WBP4: variants seen among roughly 807,000 people sequenced by gnomAD.
The protein encoded by WBP4 is WW domain-binding protein 4.
In WBP4, 37 loss-of-function variants were observed where a neutral mutation model predicts 55.4. The observed-to-expected ratio is 0.67, with a 90% CI of 0.51 to 0.88. The LOEUF (loss-of-function observed/expected upper bound fraction) is 0.88. Ranked by LOEUF, WBP4 falls within the 40% of genes least tolerant of loss-of-function variation. The pLI, the probability that WBP4 is intolerant of heterozygous loss-of-function variation, is 0.00. For missense variants in WBP4, 398 were observed against 420.8 expected (o/e 0.95, Z 0.47); for synonymous variants, 142 against 140.2 (o/e 1.01, Z -0.09).
At chr13:41,078,239 CT>C (rs1878588743) in intron 8 of WBP4, among the ~76,000 whole-genome samples, 2 of 152,184 alleles carry the variant, frequency 1.3e-5, no homozygotes, top group Non-Finnish European at 2.9e-5. Flanking sequence ...TGGCCTCAGA[CT>C]ATATTCCAAG....
chr13:41,076,269 ATTTTTTT>A (rs35695477), intron 8 of WBP4, 32 bp downstream of exon 8: 388 of 678,216 alleles, frequency 5.7e-4, no homozygotes, highest in East Asian at 7.2e-4. Flanking sequence ...TTCACATCAA[ATTTTTTT>A]TTTTTTTTTT....
chr13:41,065,392 G>A, intron 4 of WBP4, 105 bp downstream of exon 4: 3 of 1,407,472 alleles, frequency 2.1e-6, no homozygotes, highest in Non-Finnish European at 1.9e-6. Context: ...TATAAACTCA[G>A]TGTACTCTCA....
rs762819467 is a variant in WBP4, at chr13:41,061,542, AC to A, written c.-131del. 62 of 1,409,044 alleles carry A rather than the reference AC, an allele frequency of 4.4e-5. No individual in the cohort carries two copies. The highest frequency in any genetic ancestry group is 6.0e-5 in the Non-Finnish European group (61 of 1,011,098). 87.3% of individuals were successfully genotyped at this position (1,409,044 alleles called of 1,614,324 possible). A position where few individuals can be genotyped will look rare whatever the true frequency, so the allele number is the denominator to read the frequency against. On this transcript the variant is annotated 5_prime_UTR_variant, in exon 1 of 10. In the 5' UTR this introduces an upstream ATG that the reference lacks. Coordinates refer to ENST00000379487, the MANE Select transcript of WBP4 (RefSeq NM_007187.5). ...GAACAGCGGAACGCTGGTCCCGGGGACTGAGTAAGGTGTCTGGATCGGAGGG... is the reference window on the plus strand; with the variant it reads ...GAACAGCGGAACGCTGGTCCCGGGGATGAGTAAGGTGTCTGGATCGGAGGG...
chr13:41,083,962 G>A lies in WBP4; in HGVS notation c.*1048G>A, dbSNP rs894017005. The A allele has an allele frequency of 3.3e-5, 5 of 152,120 alleles. No homozygotes were observed. The highest frequency in any genetic ancestry group is 1.2e-4 in the African/African-American group (5 of 41,418). The allele number at this position is 152,120 out of a possible 1,614,324, so 9.4% of individuals were successfully genotyped here. A position where few individuals can be genotyped will look rare whatever the true frequency, so the allele number is the denominator to read the frequency against. ...TAATATTTGTCTTTTTAAGATGACT[G>A]TACATGTAAGAAAAAAGCTTATTAA... On this transcript the variant is annotated 3_prime_UTR_variant, in exon 10 of 10. Coordinates refer to ENST00000379487, the MANE Select transcript of WBP4 (RefSeq NM_007187.5).
At position 41,075,903 on chromosome 13, in the gene WBP4, CTG is replaced by C. The variant is rs544819391; in HGVS notation, c.563-139_563-138del. ...TACAAGAGCAAGAGGTTTGAGAACT[CTG>C]TTATCTTCTTGATCAAGAGATAGTA... On this transcript the variant is annotated intron_variant, in intron 7 of 9. Coordinates refer to ENST00000379487, the MANE Select transcript of WBP4 (RefSeq NM_007187.5). The C allele has an allele frequency of 7.6e-5, 71 of 931,106 alleles. No homozygotes were observed. In the East Asian group the frequency reaches 1.9e-3, roughly 26 times the overall value. The allele number at this position is 931,106 out of a possible 1,614,324, so 57.7% of individuals were successfully genotyped here. A position where few individuals can be genotyped will look rare whatever the true frequency, so the allele number is the denominator to read the frequency against.
chr13:41,074,752 TG>T (rs1878401126), intron 7 of WBP4, among the ~76,000 whole-genome samples: 1 of 152,138 alleles, frequency 6.6e-6, no homozygotes, highest in African/African-American at 2.4e-5. Context: ...CCTAGAACTT[TG>T]GGAAGTTGAG....
rs1878842208 is a variant in WBP4, at chr13:41,082,804, A to G, written c.1021A>G (p.Thr341Ala). 10 of 1,614,106 alleles carry G rather than the reference A, an allele frequency of 6.2e-6. No homozygotes were observed. In the East Asian group the frequency reaches 1.8e-4, roughly 29 times the overall value. The change falls in exon 10 of 10, where the codon ACA (threonine) becomes GCA (alanine). Residue 341 changes from threonine (T) to alanine (A), a missense_variant. Coordinates refer to ENST00000379487, the MANE Select transcript of WBP4 (RefSeq NM_007187.5). ...GEPKVVFKEK[T>A]VTSLGVMADG... is the part of the protein sequence containing the mutation. ...ACCCAAAGTGGTATTTAAAGAAAAA[A>G]CAGTCACTTCTCTTGGAGTTATGGC...
Position 41,080,184 on chromosome 13 carries a change from C to T in WBP4, c.757-462C>T, listed in dbSNP as rs182034972. On this transcript the variant is annotated intron_variant, in intron 8 of 9. Coordinates refer to ENST00000379487, the MANE Select transcript of WBP4 (RefSeq NM_007187.5). ...ACATAATATATACATGTAAGAAATA[C>T]GCATTTGTGCCCCCTAAGTTATTTT... Among the ~76,000 whole-genome samples the T allele has an allele frequency of 1.5e-4, 23 of 152,134 alleles. No individual in the cohort carries two copies. The East Asian group carries it at 2.9e-3, about 19-fold the overall frequency.
chr13:41,082,885 A>C lies in WBP4; in HGVS notation c.1102A>C (p.Asn368His). The change falls in exon 10 of 10, where the codon AAT becomes CAT. Residue 368 changes from asparagine to histidine, a missense_variant. By Grantham distance (68) the Asn-to-His change is moderately conservative (BLOSUM62 1). Transcript: ENST00000379487. ...AAGAACTGAAAATGGAAAATCTAGA[A>C]ATTTAAGGCAACGAGGTGATGATCA... Reference protein sequence around the residue: ...KRRTENGKSRNLRQRGDDQ With the variant: ...KRRTENGKSRHLRQRGDDQ 1 of 1,614,008 alleles carries C rather than the reference A, an allele frequency of 6.2e-7. No individual in the cohort carries two copies. Among genetic ancestry groups the C allele is most frequent in the Non-Finnish European group, 8.5e-7 (1 of 1,179,974 alleles).
At chr13:41,064,675 T>C (rs1877865585) in intron 2 of WBP4, among the ~76,000 whole-genome samples, 1 of 152,162 alleles carries the variant, frequency 6.6e-6, no homozygotes, top group African/African-American at 2.4e-5. Context: ...TTAAGATTTT[T>C]TTCCCCAGTC....
At chr13:41,064,702 C>T (rs185489396) in intron 2 of WBP4, among the ~76,000 whole-genome samples, 3 of 152,110 alleles carry the variant, frequency 2.0e-5, no homozygotes, top group East Asian at 1.9e-4. Context: ...CTTCATGTCA[C>T]GTTTGAGTCC....
intron 1 of WBP4, 22 bp from the exon 2 acceptor site, chr13:41,062,622 C>A: frequency 6.2e-7 from 1 of 1,609,812 alleles, no homozygotes; most frequent in Non-Finnish European, 8.5e-7. Flanking sequence ...ATGAGCTTAG[C>A]CTTGTTGTCT....
At chr13:41,071,844 C>T (rs757001658) in intron 6 of WBP4, among the ~76,000 whole-genome samples, 23 of 151,890 alleles carry the variant, frequency 1.5e-4, no homozygotes, top group Non-Finnish European at 2.1e-4. Flanking sequence ...AGTTAAAGAC[C>T]AGCCTGGCCA....
rs747831973 is a variant in WBP4, at chr13:41,068,637, GAAAGAAAA to G, written c.340_347del (p.Lys114GlufsTer19). 28 of 1,613,026 alleles carry G rather than the reference GAAAGAAAA, an allele frequency of 1.7e-5. No homozygotes were observed. In the African/African-American group the frequency reaches 3.1e-4, roughly 18 times the overall value. ...CGACATCAAATCAACAGAAAGAAAA[GAAAGAAAA>G]GAAGAAAAGAAAAAAAGATCCTTCA... On this transcript the variant is annotated frameshift_variant, in exon 5 of 10. Transcript: ENST00000379487. LOFTEE classifies it high-confidence loss of function.
intron 2 of WBP4, among the ~76,000 whole-genome samples, chr13:41,064,508 T>G (rs762885417): frequency 1.3e-5 from 2 of 152,196 alleles, no homozygotes; most frequent in Non-Finnish European, 2.9e-5. Context: ...ATTACCACAT[T>G]GTATAAAAGT....
intron 5 of WBP4, among the ~76,000 whole-genome samples, chr13:41,070,563 A>C (rs1229028483): frequency 2.0e-5 from 3 of 151,920 alleles, no homozygotes; most frequent in Non-Finnish European, 4.4e-5. Context: ...GGGGACAATA[A>C]TGAATTAGAT....
Position 41,082,719 on chromosome 13 carries a change from G to A in WBP4, c.936G>A (p.Leu312=). ...CTATTTCCAGTGAGGAGGTAGATTT[G>A]GAACTTCCAAGCACTGAAAATGAGT... ...QEVESHEEVD[L]ELPSTENEYV... is the part of the protein sequence containing the mutation. The change falls in exon 10 of 10, where the codon TTG becomes TTA. Residue 312 remains leucine (L), a synonymous_variant. Transcript: ENST00000379487. 6.2e-7 allele frequency: 1 copy of A among 1,613,908 alleles called. No individual in the cohort carries two copies. The highest frequency in any genetic ancestry group is 8.5e-7 in the Non-Finnish European group (1 of 1,179,970).
At chr13:41,082,032 A>C (rs1345206186) in intron 9 of WBP4, among the ~76,000 whole-genome samples, 1 of 152,128 alleles carries the variant, frequency 6.6e-6, no homozygotes, top group Non-Finnish European at 1.5e-5. Context: ...CGGTACTGTG[A>C]TAGGCTCTTT....
At chr13:41,068,854 T>C in intron 5 of WBP4, 117 bp downstream of exon 5, 1 of 1,153,510 alleles carries the variant, frequency 8.7e-7, no homozygotes, top group Non-Finnish European at 1.1e-6. Context: ...GAAAGACCGG[T>C]TTTTCATTTT....
Sources: allele counts gnomAD v4.1 joint callset (sites outside exome capture counted in the v4.1 genomes callset), GRCh38; gene constraint gnomAD v4.1.1; transcripts MANE v1.5; gene names NCBI Gene and HGNC (gene_info 2026-07-23, HGNC 2026-07-21).